NCOA3: variants seen among roughly 807,000 people sequenced by gnomAD.
The protein encoded by NCOA3 is CBP-interacting protein.
NCOA3 carries 51 observed loss-of-function variants against 158.8 expected under a neutral mutation model. That is an observed-to-expected ratio of 0.32 (90% CI 0.26 to 0.41). NCOA3 has a LOEUF of 0.41. NCOA3 is among the 10% of genes least tolerant of loss of function. The pLI is 1.00. For synonymous variants in NCOA3, 537 were observed against 592.4 expected (o/e 0.91, Z 1.36); for missense variants, 1,510 against 1,746.6 (o/e 0.86, Z 2.41).
At chr20:47,565,542 T>C (rs2085179104) in intron 1 of NCOA3, among the ~76,000 whole-genome samples, 1 of 151,950 alleles carries the variant, frequency 6.6e-6, no homozygotes, top group African/African-American at 2.4e-5. Context: ...ATGGTGAAAC[T>C]CTGTCTCTAC....
At chr20:47,537,442 G>C (rs2084652961) in intron 1 of NCOA3, among the ~76,000 whole-genome samples, 1 of 150,366 alleles carries the variant, frequency 6.7e-6, no homozygotes, top group Admixed American at 6.6e-5. Flanking sequence ...GGCGGGGGTG[G>C]GGGGGGGAAG....
chr20:47,612,802 T>G (rs139991007), intron 2 of NCOA3, among the ~76,000 whole-genome samples: 1 of 152,308 alleles, frequency 6.6e-6, no homozygotes, highest in Non-Finnish European at 1.5e-5. Context: ...AGAGGGTAAC[T>G]TGATTTGGAT....
chr20:47,521,918 C>CTG (rs1363654043), intron 1 of NCOA3, among the ~76,000 whole-genome samples: 2 of 151,986 alleles, frequency 1.3e-5, no homozygotes, highest in Non-Finnish European at 2.9e-5. Context: ...CAGCTTATTT[C>CTG]TGTGAAATTT....
chr20:47,622,268 C>T lies in NCOA3; in HGVS notation c.21C>T (p.Asn7=). The T allele has an allele frequency of 6.2e-7, 1 of 1,606,232 alleles. No individual in the cohort carries two copies. The highest frequency in any genetic ancestry group is 1.1e-5 in the South Asian group (1 of 89,380). MSGLGE[N]LDPLASDSRK... is the part of the protein sequence containing the mutation. ...TCAAGATGAGTGGATTAGGAGAAAA[C>T]TTGGATCCACTGGCCAGTGATTCAC... Residue 7 remains asparagine, a synonymous_variant, in exon 3 of 23, where the codon AAC becomes AAT. Coordinates refer to ENST00000371998, the MANE Select transcript of NCOA3 (RefSeq NM_181659.3).
At chr20:47,530,936 C>T (rs1307916308) in intron 1 of NCOA3, among the ~76,000 whole-genome samples, 3 of 152,138 alleles carry the variant, frequency 2.0e-5, no homozygotes, top group Admixed American at 1.3e-4. Flanking sequence ...TGTAAACTGG[C>T]GTAGCAGTAG....
In NCOA3 at chr20:47,529,709, C is replaced by A. The variant is rs571395999; in HGVS notation, c.-99+27690C>A. Among the ~76,000 whole-genome samples the A allele has an allele frequency of 3.9e-5, 6 of 152,310 alleles. No homozygotes were observed. The South Asian group carries it at 1.2e-3, about 32-fold the overall frequency. On this transcript the variant is annotated intron_variant, in intron 1 of 22. Transcript: ENST00000371998. ...TACAGGCGTGAGCCACTGCTCCTGG[C>A]CTTACCTCAATTTATTTAACAGTCC...
chr20:47,540,175 A>C (rs2425954), intron 1 of NCOA3, among the ~76,000 whole-genome samples: 142,025 of 152,266 alleles, frequency 0.93, 66,372 homozygotes, highest in African/African-American at 0.98. Context: ...ATTGGCCTGT[A>C]TGTCAACTTT....
chr20:47,640,715 A>G (rs1328756465), intron 16 of NCOA3, among the ~76,000 whole-genome samples: 1 of 145,660 alleles, frequency 6.9e-6, no homozygotes, highest in Non-Finnish European at 1.5e-5. Flanking sequence ...CCCTGTCTCT[A>G]CTAAAAAAAA....
intron 2 of NCOA3, among the ~76,000 whole-genome samples, chr20:47,603,346 C>A (rs985103769): frequency 1.8e-4 from 28 of 152,252 alleles, no homozygotes; most frequent in Admixed American, 4.6e-4. Flanking sequence ...TGCTCTCAAA[C>A]CCCTTTTGGG....
intron 1 of NCOA3, among the ~76,000 whole-genome samples, chr20:47,538,902 A>G (rs995413923): frequency 1.3e-5 from 2 of 152,214 alleles, no homozygotes; most frequent in African/African-American, 4.8e-5. Context: ...ACTGGAGAAG[A>G]TGTTATATTC....
At chr20:47,514,991 A>G (rs2084209065) in intron 1 of NCOA3, among the ~76,000 whole-genome samples, 1 of 148,182 alleles carries the variant, frequency 6.7e-6, no homozygotes, top group Non-Finnish European at 1.5e-5. Context: ...AGCCTCTTGT[A>G]TTTTAAATAG....
intron 1 of NCOA3, among the ~76,000 whole-genome samples, chr20:47,504,562 T>C (rs1460080037): frequency 1.3e-5 from 2 of 149,342 alleles, no homozygotes; most frequent in East Asian, 3.9e-4. Context: ...CCCAGCACTT[T>C]GGGAAGCCAA....
At chr20:47,628,143 A>C in intron 8 of NCOA3, 120 bp downstream of exon 8, 2 of 625,282 alleles carry the variant, frequency 3.2e-6, no homozygotes, top group Non-Finnish European at 5.5e-6. Flanking sequence ...ACCTACTGTA[A>C]TGAGTGCTTT....
intron 1 of NCOA3, among the ~76,000 whole-genome samples, chr20:47,557,677 A>G (rs765074170): frequency 1.3e-4 from 20 of 152,216 alleles, no homozygotes; most frequent in Admixed American, 6.5e-4. Context: ...CCATAGCCCA[A>G]ACAATATAGA....
chr20:47,620,040 C>T (rs570382959), intron 2 of NCOA3, among the ~76,000 whole-genome samples: 52 of 152,212 alleles, frequency 3.4e-4, no homozygotes, highest in African/African-American at 9.9e-4. Context: ...GTGATTCACC[C>T]GCCTCGGCCT....
At chr20:47,537,639 G>A (rs1409888470) in intron 1 of NCOA3, among the ~76,000 whole-genome samples, 1 of 151,404 alleles carries the variant, frequency 6.6e-6, no homozygotes, top group Non-Finnish European at 1.5e-5. Context: ...AGTGCAGGTG[G>A]CACGATCTCA....
chr20:47,509,424 C>A (rs2084080381), intron 1 of NCOA3, among the ~76,000 whole-genome samples: 1 of 152,102 alleles, frequency 6.6e-6, no homozygotes, highest in Non-Finnish European at 1.5e-5. Context: ...GACTTCATCA[C>A]AGTATATGCT....
chr20:47,618,320 C>A (rs1488023236), intron 2 of NCOA3, among the ~76,000 whole-genome samples: 1 of 141,652 alleles, frequency 7.1e-6, no homozygotes, highest in Non-Finnish European at 1.6e-5. Context: ...ACACCTTTTT[C>A]ATGATTTTAA....
intron 13 of NCOA3, 49 bp from the exon 14 acceptor site, chr20:47,638,955 ATTAT>A: frequency 7.0e-7 from 1 of 1,420,110 alleles, no homozygotes. Flanking sequence ...TTTGTACTTG[ATTAT>A]TTATATATTA....
Sources: allele counts gnomAD v4.1 joint callset (sites outside exome capture counted in the v4.1 genomes callset), GRCh38; gene constraint gnomAD v4.1.1; transcripts MANE v1.5; gene names NCBI Gene and HGNC (gene_info 2026-07-23, HGNC 2026-07-21).